Variants in COL21A1 observed in about 807,000 individuals in gnomAD.
The protein encoded by COL21A1 is collagen type XXI alpha 1 chain.
COL21A1 carries 149 observed loss-of-function variants against 137.9 expected under a neutral mutation model. That is an observed-to-expected ratio of 1.08 (90% CI 0.95 to 1.24). COL21A1 has a LOEUF of 1.24. Among genes scored for constraint, COL21A1 ranks in the 50% most tolerant of loss-of-function variants. COL21A1 has a pLI of 0.00. For missense variants in COL21A1, 1,167 were observed against 1,158.4 expected (o/e 1.01, Z -0.11); for synonymous variants, 456 against 391.5 (o/e 1.16, Z -1.95).
chr6:56,274,791 C>T (rs553109253), intron 1 of COL21A1, among the ~76,000 whole-genome samples: 1 of 152,170 alleles, frequency 6.6e-6, no homozygotes, highest in African/African-American at 2.4e-5. Context: ...AATGGCCATA[C>T]TGTCCAAAGC....
At chr6:56,091,116 C>T (rs1241742772) in intron 17 of COL21A1, among the ~76,000 whole-genome samples, 3 of 152,090 alleles carry the variant, frequency 2.0e-5, no homozygotes, top group African/African-American at 7.2e-5. Flanking sequence ...TTGGTAATTC[C>T]ACATGGGAAA....
Position 56,293,325 on chromosome 6 carries a change from C to A in COL21A1, c.-39+100646G>T, listed in dbSNP as rs536156636. On this transcript the variant is annotated intron_variant, in intron 1 of 28. Transcript: ENST00000370819. Reference sequence around the variant, plus strand: ...GTCTTGTATATAGGATTCTTTTTCTCACATGTTTTATGAGTCATGTATTCT... The same window carrying A: ...GTCTTGTATATAGGATTCTTTTTCTAACATGTTTTATGAGTCATGTATTCT... 4.6e-5 allele frequency among the ~76,000 whole-genome samples: 7 copies of A among 152,238 alleles called. No homozygotes were observed. In the South Asian group the frequency reaches 1.4e-3, roughly 32 times the overall value.
intron 1 of COL21A1, among the ~76,000 whole-genome samples, chr6:56,326,837 G>A (rs1765105626): frequency 6.6e-6 from 1 of 151,854 alleles, no homozygotes; most frequent in Non-Finnish European, 1.5e-5. Flanking sequence ...AACAATGGTG[G>A]GCAACACAGG....
chr6:56,098,580 T>A (rs1582343010), intron 17 of COL21A1, among the ~76,000 whole-genome samples: 3 of 47,606 alleles, frequency 6.3e-5, no homozygotes, highest in South Asian at 7.1e-4. Flanking sequence ...TATATAAATA[T>A]ATATAAATAT....
chr6:56,363,779 AC>A (rs200903233), intron 1 of COL21A1, among the ~76,000 whole-genome samples: 1 of 37,320 alleles, frequency 2.7e-5, no homozygotes, highest in South Asian at 9.9e-4. Flanking sequence ...AACCCAAAAT[AC>A]CCCCCGACAC....
chr6:56,107,088 A>G (rs1345464040), intron 16 of COL21A1, among the ~76,000 whole-genome samples: 3 of 152,200 alleles, frequency 2.0e-5, no homozygotes, highest in African/African-American at 7.2e-5. Context: ...CGCCCGGCCA[A>G]GTATTTTTAT....
In COL21A1 at chr6:56,320,237, G is replaced by A. The variant is rs147729575; in HGVS notation, c.-39+73734C>T. On this transcript the variant is annotated intron_variant, in intron 1 of 28. Transcript: ENST00000370819. ...TTCCCCTAATACCCTATATCTAATC[G>A]TTCAGCAAATCTTGTTGGTTCTGCC... Among the ~76,000 whole-genome samples the A allele has an allele frequency of 6.8e-3, 1,035 of 151,946 alleles. 4 individuals carry two copies. The highest frequency in any genetic ancestry group is 0.014 in the Middle Eastern group (4 of 294).
chr6:56,386,600 G>GT (rs869217165), intron 1 of COL21A1, among the ~76,000 whole-genome samples: 9 of 137,194 alleles, frequency 6.6e-5, no homozygotes, highest in African/African-American at 2.0e-4. Context: ...TGTTGTTGTT[G>GT]TTTTTTTTTA....
At chr6:56,101,142 T>C (rs537247037) in intron 17 of COL21A1, among the ~76,000 whole-genome samples, 2 of 152,264 alleles carry the variant, frequency 1.3e-5, no homozygotes, top group East Asian at 3.9e-4. Flanking sequence ...TCCCAAAGAG[T>C]ATACTATGAA....
intron 1 of COL21A1, among the ~76,000 whole-genome samples, chr6:56,309,839 C>A (rs892180667): frequency 5.3e-5 from 8 of 152,160 alleles, no homozygotes; most frequent in Non-Finnish European, 8.8e-5. Context: ...TATTGCCTAA[C>A]ATATATTATA....
intron 10 of COL21A1, among the ~76,000 whole-genome samples, chr6:56,152,733 C>T (rs1775422210): frequency 6.6e-6 from 1 of 151,764 alleles, no homozygotes; most frequent in South Asian, 2.1e-4. Flanking sequence ...GCCTGCTCAG[C>T]ACTCACTTCC....
intron 1 of COL21A1, among the ~76,000 whole-genome samples, chr6:56,361,352 A>G (rs548298644): frequency 5.9e-5 from 9 of 152,224 alleles, no homozygotes; most frequent in Admixed American, 5.2e-4. Flanking sequence ...AGTGATCATG[A>G]TTTTGTTTGC....
chr6:56,380,118 C>T (rs977634423), intron 1 of COL21A1, among the ~76,000 whole-genome samples: 1 of 152,118 alleles, frequency 6.6e-6, no homozygotes, highest in Non-Finnish European at 1.5e-5. Flanking sequence ...ATTGGTGCAA[C>T]CCCCTCTAGT....
intron 5 of COL21A1, 149 bp downstream of exon 5, chr6:56,170,500 A>C: frequency 1.6e-6 from 1 of 615,658 alleles, no homozygotes; most frequent in Non-Finnish European, 2.8e-6. Flanking sequence ...TTTCTTTGTT[A>C]GTTTTCTTCA....
intron 12 of COL21A1, among the ~76,000 whole-genome samples, chr6:56,128,078 G>A (rs1267656010): frequency 1.3e-5 from 2 of 152,194 alleles, no homozygotes; most frequent in Non-Finnish European, 2.9e-5. Context: ...GAAGACAAAG[G>A]CAGGAAAGGG....
chr6:56,193,535 G>A (rs1778832115), intron 1 of COL21A1, among the ~76,000 whole-genome samples: 2 of 151,996 alleles, frequency 1.3e-5, no homozygotes, highest in South Asian at 4.2e-4. Context: ...CCTGAAAGTG[G>A]CACAAGTAAA....
intron 24 of COL21A1, 127 bp from the exon 25 acceptor site, chr6:56,061,808 GACAGAA>G: frequency 1.7e-6 from 1 of 584,832 alleles, no homozygotes. Flanking sequence ...TAGCATTAGT[GACAGAA>G]TTACAGACCC....
chr6:56,066,433 A>G (rs1766256347), intron 23 of COL21A1, among the ~76,000 whole-genome samples: 3 of 151,894 alleles, frequency 2.0e-5, no homozygotes, highest in African/African-American at 7.2e-5. Flanking sequence ...ATTTGTGGAA[A>G]TGTCCAGAGT....
intron 20 of COL21A1, among the ~76,000 whole-genome samples, chr6:56,072,371 C>T (rs1242472646): frequency 6.6e-6 from 1 of 151,290 alleles, no homozygotes; most frequent in Non-Finnish European, 1.5e-5. Flanking sequence ...GTTAAATAGG[C>T]TTATAAATGT....
Sources: gnomAD v4.1 joint callset for allele counts (sites outside exome capture counted in the v4.1 genomes callset) on GRCh38, gnomAD v4.1.1 for gene constraint, MANE v1.5 for transcripts, NCBI Gene and HGNC (gene_info 2026-07-23, HGNC 2026-07-21) for gene names.